IPO13: variants seen among roughly 807,000 people sequenced by gnomAD.
IPO13 encodes importin-13.
In IPO13, 28 loss-of-function variants were observed where a neutral mutation model predicts 115.5. That is an observed-to-expected ratio of 0.24 (90% CI 0.18 to 0.33). The LOEUF is 0.33. Among genes scored for constraint, IPO13 ranks in the 10% least tolerant of loss-of-function variants. The pLI is 1.00. For synonymous variants in IPO13, 414 were observed against 478.9 expected, an observed-to-expected ratio of 0.86 and a Z score of 1.77; for missense variants, 785 against 1,204.6, an observed-to-expected ratio of 0.65 and a Z score of 5.16.
rs945376580 is a variant in IPO13 at position 43,967,890 on chromosome 1, G to T, written c.*208G>T. Reference sequence around the variant, plus strand: ...GGTGGGAACATCCTCTAGCTCCCAGGTTGGAAGAGATACTACTGTAGCCAA... The same window carrying T: ...GGTGGGAACATCCTCTAGCTCCCAGTTTGGAAGAGATACTACTGTAGCCAA... On this transcript the variant is annotated 3_prime_UTR_variant, in exon 20 of 20. Coordinates refer to ENST00000372343, the MANE Select transcript of IPO13 (RefSeq NM_014652.4). This position sits in a 1 kb window ranked among gnomAD's most constrained non-coding sequence, Gnocchi z 6.1. 4 of 606,346 alleles carry T rather than the reference G, an allele frequency of 6.6e-6. No individual in the cohort carries two copies. In the African/African-American group the frequency reaches 7.4e-5, roughly 11 times the overall value. The allele number at this position is 606,346 out of a possible 1,614,324, so 37.6% of individuals were successfully genotyped here. A position where few individuals can be genotyped will look rare whatever the true frequency, so the allele number is the denominator to read the frequency against.
chr1:43,961,087 C>CCCACT, intron 13 of IPO13, 74 bp downstream of exon 13: 2 of 1,608,912 alleles, frequency 1.2e-6, no homozygotes, highest in Non-Finnish European at 1.7e-6. Context: ...GGCTGGGGTC[C>CCCACT]CCACTTGCAT....
At position 43,967,823 on chromosome 1, in the gene IPO13, G is replaced by A. The variant is rs572289293; in HGVS notation, c.*141G>A. ...AAGCCTGGGTCCAGAAGGCCTGGGG[G>A]AAGGATGGGAGGATGCTTGGACCCA... On this transcript the variant is annotated 3_prime_UTR_variant, in exon 20 of 20. Transcript: ENST00000372343. This position sits in a 1 kb window ranked among gnomAD's most constrained non-coding sequence, Gnocchi z 6.1. 2.6e-6 allele frequency: 2 copies of A among 777,362 alleles called. No individual in the cohort carries two copies. Among genetic ancestry groups the A allele is most frequent in the Admixed American group, 2.2e-5 (1 of 46,246 alleles). The allele number at this position is 777,362 out of a possible 1,614,324, so 48.2% of individuals were successfully genotyped here.
chr1:43,950,202 ACATCCATC>A, intron 2 of IPO13, 49 bp downstream of exon 2: 1 of 1,549,994 alleles, frequency 6.5e-7, no homozygotes, highest in South Asian at 1.2e-5. Context: ...GGCCAGCCAC[ACATCCATC>A]CATCCATCTG....
At chr1:43,950,367 T>G (rs1307672841) in intron 2 of IPO13, among the ~76,000 whole-genome samples, 1 of 152,226 alleles carries the variant, frequency 6.6e-6, no homozygotes, top group East Asian at 1.9e-4. Flanking sequence ...TCAATTAAAA[T>G]ATTTGACTCT....
In IPO13 at chr1:43,966,461, T is replaced by A. The variant is rs2085325200; in HGVS notation, c.2398-114T>A. 9.3e-7 allele frequency: 1 copy of A among 1,076,396 alleles called. No individual in the cohort carries two copies. Among genetic ancestry groups the A allele is most frequent in the Non-Finnish European group, 1.4e-6 (1 of 711,164 alleles). The allele number at this position is 1,076,396 out of a possible 1,614,324, so 66.7% of individuals were successfully genotyped here. ...CCCCCAGAGATGGCTGGGTAGCTGG[T>A]TTTGGCAGCCTCTACCTGTGAGGTG... is the stretch of plus-strand genomic sequence containing the variant. On this transcript the variant is annotated intron_variant, in intron 15 of 19. Transcript: ENST00000372343. The surrounding 1 kb of genome is among the most constrained non-coding windows in gnomAD (Gnocchi z 4.1).
Position 43,958,461 on chromosome 1 carries a change from A to T in IPO13, c.1750A>T (p.Thr584Ser). Residue 584 changes from threonine (T) to serine (S), a missense_variant and splice_region_variant, in exon 10 of 20, where the codon ACA becomes TCA. Thr to Ser is a moderately conservative substitution (Grantham distance 58). This residue lies in a region of IPO13 where 175 missense variants were observed against 360.0 expected (regional missense o/e 0.49). Coordinates refer to ENST00000372343, the MANE Select transcript of IPO13 (RefSeq NM_014652.4). This position sits in a 1 kb window ranked among gnomAD's most constrained non-coding sequence, Gnocchi z 6.3. ...TGACCATCCATGTTCTGCCCCACAG[A>T]CAAGCCAGTGCATGTGGCTGATGCA... Reference protein sequence around the residue: ...QDVLMKQIHKTSQCMWLMQAL... With the variant: ...QDVLMKQIHKSSQCMWLMQAL... 1 of 1,614,074 alleles carries T rather than the reference A, an allele frequency of 6.2e-7. No homozygotes were observed. The highest frequency in any genetic ancestry group is 8.5e-7 in the Non-Finnish European group (1 of 1,180,000).
At position 43,958,447 on chromosome 1, in the gene IPO13, G is replaced by A. The variant is rs371562610; in HGVS notation, c.1750-14G>A. ...GATGTGGCCAGGACTGACCATCCATGTTCTGCCCCACAGACAAGCCAGTGC... is the reference window on the plus strand; with the variant it reads ...GATGTGGCCAGGACTGACCATCCATATTCTGCCCCACAGACAAGCCAGTGC... On this transcript the variant is annotated splice_polypyrimidine_tract_variant and intron_variant, in intron 9 of 19. Coordinates refer to ENST00000372343, the MANE Select transcript of IPO13 (RefSeq NM_014652.4). The surrounding 1 kb of genome is among the most constrained non-coding windows in gnomAD (Gnocchi z 6.3). 8.1e-6 allele frequency: 13 copies of A among 1,613,744 alleles called. No individual in the cohort carries two copies. In the African/African-American group the frequency reaches 1.6e-4, roughly 20 times the overall value.
chr1:43,965,380 A>G (rs958650608), intron 15 of IPO13, among the ~76,000 whole-genome samples: 14 of 150,100 alleles, frequency 9.3e-5, no homozygotes, highest in Admixed American at 6.6e-4. Flanking sequence ...GAGCAAAACC[A>G]GGCACAGTTC....
intron 11 of IPO13, among the ~76,000 whole-genome samples, chr1:43,959,596 G>A (rs146732564): frequency 2.6e-5 from 4 of 152,270 alleles, no homozygotes; most frequent in Non-Finnish European, 5.9e-5. Flanking sequence ...TGCTTTAGTC[G>A]TTGTTCCCAG....
Position 43,956,951 on chromosome 1 carries a change from G to A in IPO13, c.1246G>A (p.Glu416Lys), listed in dbSNP as rs1337240791. The A allele has an allele frequency of 3.7e-6, 6 of 1,614,052 alleles. No individual in the cohort carries two copies. The highest frequency in any genetic ancestry group is 1.1e-5 in the South Asian group (1 of 91,086). ...DEEYGFWSSD[E>K]KEQFRIYRVD... is the part of the protein sequence containing the mutation. ...GGAATATGGATTCTGGTCCTCAGAC[G>A]AGAAGGAGCAGTTCCGAATTTACAG... Residue 416 changes from glutamate (E) to lysine (K), a missense_variant, in exon 5 of 20, where the codon GAG becomes AAG. Around this residue, in one of 3 missense-constraint regions of IPO13, gnomAD observed 175 missense variants for 360.0 expected, o/e 0.49. Coordinates refer to ENST00000372343, the MANE Select transcript of IPO13 (RefSeq NM_014652.4). This position sits in a 1 kb window ranked among gnomAD's most constrained non-coding sequence, Gnocchi z 4.7.
At chr1:43,957,045 C>G in intron 5 of IPO13, 69 bp downstream of exon 5, 2 of 1,573,596 alleles carry the variant, frequency 1.3e-6, no homozygotes, top group Non-Finnish European at 1.7e-6. Flanking sequence ...GGAAGGGGCC[C>G]AAGTCCAGGC....
intron 2 of IPO13, 22 bp downstream of exon 2, chr1:43,950,175 C>T: frequency 1.9e-6 from 3 of 1,576,626 alleles, no homozygotes; most frequent in Non-Finnish European, 2.6e-6. Flanking sequence ...CCCACTCACC[C>T]AGAAGACAAC....
intron 14 of IPO13, among the ~76,000 whole-genome samples, chr1:43,963,783 C>T (rs999859897): frequency 6.6e-6 from 1 of 152,206 alleles, no homozygotes; most frequent in Non-Finnish European, 1.5e-5. Flanking sequence ...GATGCCCTGG[C>T]CTTTCTAGGG....
chr1:43,956,481 G>A lies in IPO13; in HGVS notation c.962+21G>A. The A allele has an allele frequency of 6.2e-7, 1 of 1,614,142 alleles. No homozygotes were observed. On this transcript the variant is annotated intron_variant, in intron 3 of 19. Transcript: ENST00000372343. This position sits in a 1 kb window ranked among gnomAD's most constrained non-coding sequence, Gnocchi z 4.7. ...TCCCGGTAAAGGGTGGAGCAGCTTG[G>A]GGTGGGATAGTAGGGCCCTCTAAGA...
chr1:43,961,143 C>T (rs778552323), intron 13 of IPO13, 23 bp from the exon 14 acceptor site: 3 of 1,611,290 alleles, frequency 1.9e-6, no homozygotes, highest in Non-Finnish European at 2.5e-6. Context: ...CTCAGCTGAC[C>T]AGCATTCCCT....
In IPO13 at chr1:43,967,244, G is replaced by A; in HGVS notation, c.2614-71G>A. On this transcript the variant is annotated intron_variant, in intron 18 of 19. Transcript: ENST00000372343. The surrounding 1 kb of genome is among the most constrained non-coding windows in gnomAD (Gnocchi z 6.1). ...TGGCTTAGGAACTGTCCAGAGGGCA[G>A]TTAGGCATTCTTGCTGCAGAAGCGG... The A allele has an allele frequency of 6.6e-7, 1 of 1,521,776 alleles. No homozygotes were observed. The allele number at this position is 1,521,776 out of a possible 1,614,324, so 94.3% of individuals were successfully genotyped here.
At position 43,958,167 on chromosome 1, in the gene IPO13, G is replaced by A. The variant is rs1437693950; in HGVS notation, c.1722+9G>A. The A allele has an allele frequency of 6.2e-7, 1 of 1,613,956 alleles. No homozygotes were observed. The highest frequency in any genetic ancestry group is 8.5e-7 in the Non-Finnish European group (1 of 1,179,960). On this transcript the variant is annotated intron_variant, in intron 8 of 19. Transcript: ENST00000372343. This position sits in a 1 kb window ranked among gnomAD's most constrained non-coding sequence, Gnocchi z 6.3. ...TTGTGGCTGTGTCCCAGGTATGCAG[G>A]GGCCCTGGATGGTGCTGGGCCTCAG...
intron 12 of IPO13, 89 bp from the exon 13 acceptor site, chr1:43,960,787 C>A: frequency 6.6e-7 from 1 of 1,517,970 alleles, no homozygotes; most frequent in Non-Finnish European, 8.9e-7. Flanking sequence ...AGGTAAGGGC[C>A]CAATCGTAGG....
chr1:43,965,082 G>A (rs923515752), intron 15 of IPO13, among the ~76,000 whole-genome samples: 1 of 152,062 alleles, frequency 6.6e-6, no homozygotes, highest in Admixed American at 6.6e-5. Context: ...GTGGACGTGT[G>A]TTGGAGGTGT....
Sources: gnomAD v4.1 joint callset for allele counts (sites outside exome capture counted in the v4.1 genomes callset) on GRCh38, gnomAD v4.1.1 for gene constraint, gnomAD v4.1.1 regional missense constraint, Gnocchi (gnomAD v3.1) non-coding constraint, MANE v1.5 for transcripts, NCBI Gene and HGNC (gene_info 2026-07-23, HGNC 2026-07-21) for gene names.